The following TMEM40 variants were observed in gnomAD, a reference collection of about 807,000 sequenced individuals.
TMEM40 encodes transmembrane protein 40.
A neutral mutation model predicts 40.8 loss-of-function variants in TMEM40; 34 were observed. The ratio of observed to expected loss-of-function variants is 0.83; its 90% confidence interval spans 0.63 to 1.11. TMEM40 has a LOEUF of 1.11. Ranked by LOEUF, TMEM40 falls within the 50% of genes least tolerant of loss-of-function variation. The pLI is 0.00. For synonymous variants in TMEM40, 106 were observed against 107.0 expected (o/e 0.99, Z 0.06); for missense variants, 296 against 280.2 (o/e 1.06, Z -0.40).
intron 1 of TMEM40, among the ~76,000 whole-genome samples, chr3:12,753,882 G>A (rs2061498295): frequency 6.6e-6 from 1 of 152,174 alleles, no homozygotes; most frequent in Admixed American, 6.5e-5. Flanking sequence ...CAGGGCCTGG[G>A]CCCAGGGCAG....
intron 3 of TMEM40, among the ~76,000 whole-genome samples, chr3:12,748,085 CACA>C (rs2061443406): frequency 6.6e-6 from 1 of 152,112 alleles, no homozygotes; most frequent in Non-Finnish European, 1.5e-5. Flanking sequence ...AAGACCATAA[CACA>C]ACAATTACTT....
At chr3:12,746,680 C>A (rs2061431596) in intron 3 of TMEM40, among the ~76,000 whole-genome samples, 1 of 152,114 alleles carries the variant, frequency 6.6e-6, no homozygotes, top group Non-Finnish European at 1.5e-5. Context: ...GGATCAGGGA[C>A]CAGGATCCTG....
chr3:12,742,729 C>T (rs1326602732), intron 4 of TMEM40, among the ~76,000 whole-genome samples: 1 of 152,136 alleles, frequency 6.6e-6, no homozygotes, highest in African/African-American at 2.4e-5. Flanking sequence ...GCACTCAAGA[C>T]CTGAGAGGAC....
intron 3 of TMEM40, 28 bp downstream of exon 3, chr3:12,748,627 T>G (rs750178607): frequency 6.3e-7 from 1 of 1,597,388 alleles, no homozygotes; most frequent in South Asian, 1.1e-5. Context: ...TCTTGAATAA[T>G]ATACATATAT....
At chr3:12,768,887 C>T (rs1283061402) in intron 1 of TMEM40, among the ~76,000 whole-genome samples, 1 of 89,284 alleles carries the variant, frequency 1.1e-5, no homozygotes, top group Admixed American at 1.3e-4. Context: ...GAGCCCATGG[C>T]GGGGCGGGGC....
At chr3:12,745,055 A>G (rs929805201) in intron 3 of TMEM40, among the ~76,000 whole-genome samples, 3 of 152,118 alleles carry the variant, frequency 2.0e-5, no homozygotes, top group African/African-American at 7.2e-5. Context: ...AAATAAAGTA[A>G]AAATTATTCC....
chr3:12,739,715 C>T lies in TMEM40; in HGVS notation c.356-1127G>A, dbSNP rs373258231. On this transcript the variant is annotated intron_variant, in intron 5 of 11. Coordinates refer to ENST00000314124, the MANE Select transcript of TMEM40 (RefSeq NM_018306.4). ...GGATTATAGTCATGAACTACTATGCCTAACTTTGCCAGTGATTTTTAAGAT... is the reference window on the plus strand; with the variant it reads ...GGATTATAGTCATGAACTACTATGCTTAACTTTGCCAGTGATTTTTAAGAT... Among the ~76,000 whole-genome samples, 18 of 152,108 alleles carry T rather than the reference C, an allele frequency of 1.2e-4. 2 individuals are homozygous for T. Among genetic ancestry groups the T allele is most frequent in the Admixed American group, 2.6e-4 (4 of 15,274 alleles).
chr3:12,754,077 C>T (rs1369519904), intron 1 of TMEM40, among the ~76,000 whole-genome samples: 1 of 152,200 alleles, frequency 6.6e-6, no homozygotes, highest in Non-Finnish European at 1.5e-5. Context: ...CGGGGCAAGG[C>T]TGGCTCTTTC....
rs143626159 is a variant in TMEM40 at position 12,738,700 on chromosome 3, G to A, written c.356-112C>T. 2,586 of 1,177,392 alleles carry A rather than the reference G, an allele frequency of 2.2e-3. 40 individuals carry two copies. In the Admixed American group the frequency reaches 0.025, roughly 11 times the overall value. 72.9% of individuals were successfully genotyped at this position (1,177,392 alleles called of 1,614,324 possible). On this transcript the variant is annotated intron_variant, in intron 5 of 11. Transcript: ENST00000314124. ...GAGACTTCCCACTTAATCTGGAGTC[G>A]GCCAGGTGGGGAATGGAGCCGGCTG...
chr3:12,768,248 C>T (rs2061603511), intron 1 of TMEM40, among the ~76,000 whole-genome samples: 1 of 152,072 alleles, frequency 6.6e-6, no homozygotes, highest in Non-Finnish European at 1.5e-5. Flanking sequence ...TGCAGACCTT[C>T]GTGGTGAGTG....
In TMEM40 at chr3:12,736,430, G is replaced by A. The variant is rs149745807; in HGVS notation, c.619+148C>T. 1,474 of 918,452 alleles carry A rather than the reference G, an allele frequency of 1.6e-3. 13 individuals are homozygous for A. In the African/African-American group the frequency reaches 0.019, roughly 12 times the overall value. 56.9% of individuals were successfully genotyped at this position (918,452 alleles called of 1,614,324 possible). A position where few individuals can be genotyped will look rare whatever the true frequency, so the allele number is the denominator to read the frequency against. ...CTCCCAAAGTGCTGGGATTACAGGCGTAAGCCACCGCGCCTGGCCAGAAAA... is the reference window on the plus strand; with the variant it reads ...CTCCCAAAGTGCTGGGATTACAGGCATAAGCCACCGCGCCTGGCCAGAAAA... On this transcript the variant is annotated intron_variant, in intron 10 of 11. Coordinates refer to ENST00000314124, the MANE Select transcript of TMEM40 (RefSeq NM_018306.4).
intron 5 of TMEM40, chr3:12,739,267 T>C (rs2061362670): frequency 6.6e-6 from 1 of 152,218 alleles, no homozygotes; most frequent in Admixed American, 6.5e-5. Context: ...ACATTTACAA[T>C]TGTAAGTTGC....
chr3:12,740,498 G>A (rs1280399142), intron 5 of TMEM40, among the ~76,000 whole-genome samples: 13 of 144,718 alleles, frequency 9.0e-5, no homozygotes, highest in African/African-American at 3.2e-4. Flanking sequence ...TCAGGAGATC[G>A]AGACCATCCT....
chr3:12,737,753 T>G lies in TMEM40; in HGVS notation c.426A>C (p.Gly142=), dbSNP rs1372524828. 2 of 1,613,782 alleles carry G rather than the reference T, an allele frequency of 1.2e-6. No homozygotes were observed. Among genetic ancestry groups the G allele is most frequent in the East Asian group, 4.5e-5 (2 of 44,882 alleles). Residue 142 remains glycine, a splice_region_variant and synonymous_variant, in exon 8 of 12, where the codon GGA becomes GGC. Coordinates refer to ENST00000314124, the MANE Select transcript of TMEM40 (RefSeq NM_018306.4). ...LRRRGSDPAS[G]EVEASQLRRL... is the part of the protein sequence containing the mutation. ...TTCTTAACTGAGAGGCCTCCACTTCTCCTTAAGAACAAGAGAGAGATGAAT... is the reference window on the plus strand; with the variant it reads ...TTCTTAACTGAGAGGCCTCCACTTCGCCTTAAGAACAAGAGAGAGATGAAT...
At chr3:12,765,484 C>T (rs1036919755) in intron 1 of TMEM40, among the ~76,000 whole-genome samples, 4 of 151,958 alleles carry the variant, frequency 2.6e-5, no homozygotes, top group African/African-American at 4.8e-5. Flanking sequence ...AACAAACCAT[C>T]GCTGGAGATC....
chr3:12,755,213 T>TTCTCTCTCTC lies in TMEM40; in HGVS notation c.-9+3968_-9+3977dup, dbSNP rs754041538. The stretch of plus-strand genomic sequence containing the variant: ...TTCCTTCCTTCCTTTCTTTCTTTCT[T>TTCTCTCTCTC]TCTCTCTCTCTCTCTCTCTCTCTTT... On this transcript the variant is annotated intron_variant, in intron 1 of 11. Transcript: ENST00000314124. Among the ~76,000 whole-genome samples the TTCTCTCTCTC allele has an allele frequency of 3.3e-4, 31 of 94,306 alleles. 1 individual carries two copies. Among genetic ancestry groups the TTCTCTCTCTC allele is most frequent in the South Asian group, 2.0e-3 (6 of 3,028 alleles). 61.9% of individuals were successfully genotyped at this position (94,306 alleles called of 152,430 possible).
intron 3 of TMEM40, among the ~76,000 whole-genome samples, chr3:12,744,341 C>G (rs570897292): frequency 1.3e-5 from 2 of 152,300 alleles, no homozygotes; most frequent in African/African-American, 4.8e-5. Flanking sequence ...TTTCCCCACC[C>G]ATCATGCTGG....
chr3:12,753,378 A>G (rs1160394695), intron 1 of TMEM40, among the ~76,000 whole-genome samples: 2 of 150,346 alleles, frequency 1.3e-5, no homozygotes, highest in Non-Finnish European at 3.0e-5. Context: ...CACCACACCT[A>G]GCTAATTTTT....
At chr3:12,755,340 A>G (rs2061519553) in intron 1 of TMEM40, among the ~76,000 whole-genome samples, 1 of 150,134 alleles carries the variant, frequency 6.7e-6, no homozygotes, top group South Asian at 2.1e-4. Context: ...CATTGGAGCA[A>G]TCATGGCTCA....
Sources: gnomAD v4.1 joint callset for allele counts (sites outside exome capture counted in the v4.1 genomes callset) on GRCh38, gnomAD v4.1.1 for gene constraint, MANE v1.5 for transcripts, NCBI Gene and HGNC (gene_info 2026-07-23, HGNC 2026-07-21) for gene names.